TTLL5: variants seen among roughly 807,000 people sequenced by gnomAD.
TTLL5 encodes the protein tubulin tyrosine ligase like 5.
TTLL5 carries 132 observed loss-of-function variants against 168.4 expected under a neutral mutation model. The ratio of observed to expected loss-of-function variants is 0.78; its 90% confidence interval spans 0.68 to 0.91. The LOEUF is 0.91. Among genes scored for constraint, TTLL5 ranks in the 40% least tolerant of loss-of-function variants. TTLL5 has a pLI of 0.00. For missense variants in TTLL5, 1,545 were observed against 1,581.5 expected (o/e 0.98, Z 0.39); for synonymous variants, 546 against 558.6 (o/e 0.98, Z 0.32).
chr14:75,678,184 T>C (rs1265778238), intron 3 of TTLL5, among the ~76,000 whole-genome samples: 1 of 152,216 alleles, frequency 6.6e-6, no homozygotes, highest in African/African-American at 2.4e-5. Flanking sequence ...TTTGTACACA[T>C]TTTATTTAGA....
intron 27 of TTLL5, among the ~76,000 whole-genome samples, chr14:75,816,770 AG>A (rs2140405500): frequency 6.6e-6 from 1 of 152,272 alleles, no homozygotes; most frequent in African/African-American, 2.4e-5. Context: ...CTAATATAAA[AG>A]GTCTGATGGT....
chr14:75,917,990 C>T (rs2033680286), intron 31 of TTLL5, among the ~76,000 whole-genome samples: 1 of 152,312 alleles, frequency 6.6e-6, no homozygotes, highest in African/African-American at 2.4e-5. Flanking sequence ...AGAGACATAA[C>T]TGAGGAGCCA....
chr14:75,947,453 CTCG>C (rs1361780403), intron 31 of TTLL5, among the ~76,000 whole-genome samples: 4 of 152,106 alleles, frequency 2.6e-5, no homozygotes, highest in African/African-American at 9.7e-5. Flanking sequence ...TCAACCTTTT[CTCG>C]TCAACTTACT....
chr14:75,691,525 T>C (rs114031503), intron 6 of TTLL5, among the ~76,000 whole-genome samples: 2,471 of 152,354 alleles, frequency 0.016, 36 homozygotes, highest in African/African-American at 0.033. Context: ...CCATGAGTTA[T>C]GCAGCTTGCA....
Position 75,766,369 on chromosome 14 carries a change from G to A in TTLL5, c.2015+1G>A. ...TTCTTCAAGATAATGGCAATCTTAG[G>A]TATGTATCTTTTATAATTATATTAG... On this transcript the variant is annotated splice_donor_variant, in intron 20 of 31. Coordinates refer to ENST00000298832, the MANE Select transcript of TTLL5 (RefSeq NM_015072.5). LOFTEE classifies it high-confidence loss of function. 2 of 1,601,898 alleles carry A rather than the reference G, an allele frequency of 1.2e-6. No individual in the cohort carries two copies. Among genetic ancestry groups the A allele is most frequent in the African/African-American group, 2.7e-5 (2 of 74,270 alleles).
intron 28 of TTLL5, among the ~76,000 whole-genome samples, chr14:75,852,758 C>T (rs1303119747): frequency 6.6e-6 from 1 of 152,198 alleles, no homozygotes; most frequent in Non-Finnish European, 1.5e-5. Context: ...GCACTTGTCA[C>T]CATGAGTGTG....
intron 17 of TTLL5, 140 bp downstream of exon 17, chr14:75,745,721 C>A: frequency 1.5e-6 from 1 of 670,022 alleles, no homozygotes; most frequent in Non-Finnish European, 2.5e-6. Context: ...ATTATCCAAC[C>A]CGAGAACTAG....
chr14:75,818,491 TC>T, intron 27 of TTLL5: 3 of 403,668 alleles, frequency 7.4e-6, no homozygotes, highest in Non-Finnish European at 9.5e-6. Flanking sequence ...TCTTTTCTTT[TC>T]TTTTTTTTTT....
intron 28 of TTLL5, among the ~76,000 whole-genome samples, chr14:75,824,728 T>G (rs747070978): frequency 3.1e-5 from 3 of 98,356 alleles, no homozygotes; most frequent in African/African-American, 5.2e-5. Context: ...AAATTATGTG[T>G]TTTTTTTTTT....
intron 28 of TTLL5, among the ~76,000 whole-genome samples, chr14:75,822,718 G>C (rs1187785703): frequency 6.6e-6 from 1 of 152,144 alleles, no homozygotes; most frequent in African/African-American, 2.4e-5. Flanking sequence ...TTCATCAAAC[G>C]ACCTTGTTCT....
intron 29 of TTLL5, 48 bp downstream of exon 29, chr14:75,863,910 G>GT (rs1555352339): frequency 3.4e-5 from 2 of 59,152 alleles, no homozygotes; most frequent in African/African-American, 5.1e-4. Context: ...CCTGCTGTTG[G>GT]TAAAAAAAAA....
chr14:75,664,058 C>T (rs1474494510), intron 2 of TTLL5, among the ~76,000 whole-genome samples: 2 of 148,696 alleles, frequency 1.3e-5, no homozygotes, highest in South Asian at 2.1e-4. Flanking sequence ...CACTCCAGCC[C>T]GGGCAACAAG....
chr14:75,913,869 C>G (rs1382946880), intron 31 of TTLL5, among the ~76,000 whole-genome samples: 1 of 151,254 alleles, frequency 6.6e-6, no homozygotes, highest in Non-Finnish European at 1.5e-5. Context: ...CAAAAATTAG[C>G]TGGGCGTGGT....
chr14:75,789,976 G>A (rs1566605516), intron 26 of TTLL5, among the ~76,000 whole-genome samples: 1 of 152,218 alleles, frequency 6.6e-6, no homozygotes, highest in African/African-American at 2.4e-5. Context: ...ACTTAAGACA[G>A]TGTGGTATTG....
intron 20 of TTLL5, among the ~76,000 whole-genome samples, chr14:75,768,672 A>G (rs1348875096): frequency 2.0e-5 from 3 of 152,146 alleles, no homozygotes; most frequent in Admixed American, 6.5e-5. Context: ...AGAAAGTGCT[A>G]TGGGATGAAT....
intron 2 of TTLL5, among the ~76,000 whole-genome samples, chr14:75,667,751 G>GTTTTTTTTT (rs67181555): frequency 3.1e-4 from 28 of 89,090 alleles, no homozygotes; most frequent in African/African-American, 5.7e-4. Context: ...ATCTTTTTAT[G>GTTTTTTTTT]TTTTTTTTTT....
At chr14:75,932,106 A>G (rs2034295461) in intron 31 of TTLL5, among the ~76,000 whole-genome samples, 3 of 152,218 alleles carry the variant, frequency 2.0e-5, no homozygotes, top group African/African-American at 7.2e-5. Flanking sequence ...AAGATCAGCT[A>G]TGCAATATTC....
At chr14:75,780,115 G>C (rs1409210740) in intron 24 of TTLL5, among the ~76,000 whole-genome samples, 1 of 152,172 alleles carries the variant, frequency 6.6e-6, no homozygotes, top group Non-Finnish European at 1.5e-5. Context: ...ATCGTGCAGG[G>C]ACAAGGAATT....
chr14:75,732,475 CTTTTT>C (rs5809726), intron 13 of TTLL5, 56 bp downstream of exon 13: 3 of 1,132,394 alleles, frequency 2.6e-6, no homozygotes, highest in Non-Finnish European at 3.8e-6. Context: ...ACTTAAAGCA[CTTTTT>C]TTTTTTTGAT....
Sources: gnomAD v4.1 joint callset for allele counts (sites outside exome capture counted in the v4.1 genomes callset) on GRCh38, gnomAD v4.1.1 for gene constraint, MANE v1.5 for transcripts, NCBI Gene and HGNC (gene_info 2026-07-23, HGNC 2026-07-21) for gene names.